The following BRDT variants were observed in gnomAD, a reference collection of about 807,000 sequenced individuals.
BRDT encodes the protein bromodomain testis-specific protein.
In BRDT, 77 loss-of-function variants were observed where a neutral mutation model predicts 113.9. The observed-to-expected ratio is 0.68, with a 90% CI of 0.56 to 0.82. The LOEUF is 0.82. Ranked by LOEUF, BRDT falls within the 40% of genes least tolerant of loss-of-function variation. BRDT has a pLI of 0.00. For synonymous variants in BRDT, 358 were observed against 366.5 expected (o/e 0.98, Z 0.26); for missense variants, 1,027 against 1,105.4 (o/e 0.93, Z 1.01).
intron 3 of BRDT, among the ~76,000 whole-genome samples, chr1:91,966,695 G>T (rs1417013161): frequency 6.6e-6 from 1 of 152,188 alleles, no homozygotes; most frequent in Non-Finnish European, 1.5e-5. Flanking sequence ...GAGAACTGTT[G>T]CTTTGTAAAT....
At chr1:91,975,799 T>C (rs1427304192) in intron 4 of BRDT, among the ~76,000 whole-genome samples, 1 of 152,226 alleles carries the variant, frequency 6.6e-6, no homozygotes, top group Non-Finnish European at 1.5e-5. Context: ...AATTGTTCCT[T>C]TGGCAGAATT....
chr1:92,005,198 C>T lies in BRDT; in HGVS notation c.2674C>T (p.His892Tyr), dbSNP rs776389123. Residue 892 changes from histidine (H) to tyrosine (Y), a missense_variant, in exon 18 of 19, where the codon CAT becomes TAT. His to Tyr is a moderately conservative substitution (Grantham distance 83). Transcript: ENST00000399546. Reference sequence around the variant, plus strand: ...GTGCTCTGGAGAAGAGCAGAAAGAACATCAGCAGTCATCAGAAGCTCAAGA... The same window carrying T: ...GTGCTCTGGAGAAGAGCAGAAAGAATATCAGCAGTCATCAGAAGCTCAAGA... ...NKCSGEEQKE[H>Y]QQSSEAQDKS... 4 of 1,584,818 alleles carry T rather than the reference C, an allele frequency of 2.5e-6. No homozygotes were observed. The African/African-American group carries it at 5.5e-5, about 22-fold the overall frequency.
chr1:91,978,162 AT>A lies in BRDT; in HGVS notation c.970-3del. The A allele has an allele frequency of 6.2e-7, 1 of 1,609,246 alleles. No individual in the cohort carries two copies. Among genetic ancestry groups the A allele is most frequent in the Non-Finnish European group, 8.5e-7 (1 of 1,176,968 alleles). ...TTGTGAATCCTGTAGTTTTTCTTTAATTTAGGAGAAAATGGATAACCAAGAA... is the reference window on the plus strand; with the variant it reads ...TTGTGAATCCTGTAGTTTTTCTTTAATTAGGAGAAAATGGATAACCAAGAA... On this transcript the variant is annotated splice_polypyrimidine_tract_variant and splice_region_variant and intron_variant, in intron 6 of 18. Coordinates refer to ENST00000399546, the MANE Select transcript of BRDT (RefSeq NM_207189.4).
intron 4 of BRDT, among the ~76,000 whole-genome samples, chr1:91,973,941 C>G (rs551887844): frequency 1.3e-5 from 2 of 152,050 alleles, no homozygotes; most frequent in African/African-American, 4.8e-5. Flanking sequence ...AACAGAGATA[C>G]AGACCAATGG....
Position 91,980,636 on chromosome 1 carries a change from T to A in BRDT, c.1288-7T>A, listed in dbSNP as rs753883551. The A allele has an allele frequency of 1.4e-6, 2 of 1,453,916 alleles. No individual in the cohort carries two copies. Among genetic ancestry groups the A allele is most frequent in the Non-Finnish European group, 1.8e-6 (2 of 1,104,654 alleles). The allele number at this position is 1,453,916 out of a possible 1,614,324, so 90.1% of individuals were successfully genotyped here. ...TGAATGTTTACAGATTTTTTTTCTT[T>A]TATCAGCTTAAAGCTGTACATCAAC... On this transcript the variant is annotated splice_polypyrimidine_tract_variant and splice_region_variant and intron_variant, in intron 8 of 18. Transcript: ENST00000399546.
chr1:91,999,372 T>C (rs1389499972), intron 15 of BRDT, among the ~76,000 whole-genome samples: 1 of 152,196 alleles, frequency 6.6e-6, no homozygotes, highest in African/African-American at 2.4e-5. Flanking sequence ...GGGTCATTCA[T>C]GTAAAAATAT....
Position 92,004,433 on chromosome 1 carries a change from C to A in BRDT, c.2408C>A (p.Ala803Glu). The change falls in exon 17 of 19, where the codon GCA (alanine) becomes GAA (glutamate). Residue 803 changes from alanine to glutamate, a missense_variant. Physicochemically the swap from Ala to Glu is moderately radical, Grantham distance 107. Coordinates refer to ENST00000399546, the MANE Select transcript of BRDT (RefSeq NM_207189.4). ...TTTTAGGATATAAAGATTAAGAATG[C>A]AGATTCATGGAAAAGTTTAGGCAAA... ...PVQKDIKIKN[A>E]DSWKSLGKPV... 6.2e-7 allele frequency: 1 copy of A among 1,606,780 alleles called. No individual in the cohort carries two copies. The highest frequency in any genetic ancestry group is 2.2e-5 in the East Asian group (1 of 44,742).
rs1427916958 is a variant in BRDT at position 91,980,656 on chromosome 1, A to C, written c.1301A>C (p.His434Pro). 1 of 1,578,258 alleles carries C rather than the reference A, an allele frequency of 6.3e-7. No individual in the cohort carries two copies. Among genetic ancestry groups the C allele is most frequent in the South Asian group, 1.2e-5 (1 of 82,714 alleles). Reference protein sequence around the residue: ...AKLQEQLKAVHQQLQVLSQVP... With the variant: ...AKLQEQLKAVPQQLQVLSQVP... ...TTCTTTTATCAGCTTAAAGCTGTAC[A>C]TCAACAGCTCCAGGTTTTGTCCCAA... is the stretch of plus-strand genomic sequence containing the variant. The change falls in exon 9 of 19, where the codon CAT (histidine) becomes CCT (proline). Residue 434 changes from histidine (H) to proline (P), a missense_variant. Transcript: ENST00000399546.
Position 92,004,496 on chromosome 1 carries a change from A to G in BRDT, c.2471A>G (p.Glu824Gly). Residue 824 changes from glutamate (E) to glycine (G), a missense_variant, in exon 17 of 19, where the codon GAG becomes GGG. Physicochemically the swap from Glu to Gly is moderately conservative, Grantham distance 98. Coordinates refer to ENST00000399546, the MANE Select transcript of BRDT (RefSeq NM_207189.4). ...KPSGVMKSSD[E>G]LFNQFRKAAI... ...TCAGGTGTAATGAAATCCTCAGATGAGCTCTTCAACCAATTTAGAAAAGCA... is the reference window on the plus strand; with the variant it reads ...TCAGGTGTAATGAAATCCTCAGATGGGCTCTTCAACCAATTTAGAAAAGCA... The G allele has an allele frequency of 6.2e-7, 1 of 1,613,380 alleles. No homozygotes were observed. The highest frequency in any genetic ancestry group is 8.5e-7 in the Non-Finnish European group (1 of 1,179,694).
At chr1:91,991,271 G>A (rs764041210) in intron 13 of BRDT, 26 bp downstream of exon 13, 56 of 1,395,872 alleles carry the variant, frequency 4.0e-5, no homozygotes, top group Non-Finnish European at 5.4e-5. Context: ...ATTTGTATCT[G>A]AATTTTAAAA....
rs370161455 is a variant in BRDT, at chr1:91,962,703, G to A, written c.-37-15G>A. ...TCCTAAAGTGCTTCTGAAGTACTCA[G>A]TTTTTGTTTTTCAGGACATGTACTT... is the stretch of plus-strand genomic sequence containing the variant. On this transcript the variant is annotated splice_polypyrimidine_tract_variant and intron_variant, in intron 1 of 18. Coordinates refer to ENST00000399546, the MANE Select transcript of BRDT (RefSeq NM_207189.4). 2 of 1,439,228 alleles carry A rather than the reference G, an allele frequency of 1.4e-6. No individual in the cohort carries two copies. Among genetic ancestry groups the A allele is most frequent in the African/African-American group, 2.9e-5 (2 of 68,984 alleles). 89.2% of individuals were successfully genotyped at this position (1,439,228 alleles called of 1,614,324 possible). A position where few individuals can be genotyped will look rare whatever the true frequency, so the allele number is the denominator to read the frequency against.
At chr1:92,000,300 C>A (rs1245075747) in intron 15 of BRDT, among the ~76,000 whole-genome samples, 1 of 152,224 alleles carries the variant, frequency 6.6e-6, no homozygotes, top group South Asian at 2.1e-4. Context: ...TACTTTTTCT[C>A]CTTCCTAAAT....
chr1:92,014,353 A>G lies in BRDT; in HGVS notation c.*79A>G. ...TGCATATGGTAAAATGATTGCTTTC[A>G]GATAACAAGATACCAATCTTATATT... On this transcript the variant is annotated 3_prime_UTR_variant, in exon 19 of 19. Coordinates refer to ENST00000399546, the MANE Select transcript of BRDT (RefSeq NM_207189.4). The G allele has an allele frequency of 6.5e-6, 6 of 925,516 alleles. No homozygotes were observed. The South Asian group carries it at 6.8e-5, about 10-fold the overall frequency. The allele number at this position is 925,516 out of a possible 1,614,324, so 57.3% of individuals were successfully genotyped here. A position where few individuals can be genotyped will look rare whatever the true frequency, so the allele number is the denominator to read the frequency against.
chr1:91,958,853 G>A (rs1234894114), intron 1 of BRDT, among the ~76,000 whole-genome samples: 11 of 152,054 alleles, frequency 7.2e-5, no homozygotes, highest in Admixed American at 1.3e-4. Flanking sequence ...TCAGTAGTTC[G>A]AGACCAGCCT....
intron 7 of BRDT, 37 bp downstream of exon 7, chr1:91,978,333 C>T (rs769237249): frequency 6.2e-7 from 1 of 1,608,320 alleles, no homozygotes; most frequent in Non-Finnish European, 8.5e-7. Context: ...TGTTTTTCCT[C>T]TGAACATAGT....
At chr1:92,012,764 G>A (rs1434113794) in intron 18 of BRDT, among the ~76,000 whole-genome samples, 3 of 151,928 alleles carry the variant, frequency 2.0e-5, no homozygotes, top group African/African-American at 4.8e-5. Flanking sequence ...TACAAGATTA[G>A]TTGGGCTTGG....
At chr1:91,990,546 G>A (rs569678684) in intron 12 of BRDT, among the ~76,000 whole-genome samples, 2 of 152,198 alleles carry the variant, frequency 1.3e-5, no homozygotes, top group South Asian at 4.1e-4. Context: ...TATCTCTGTT[G>A]CAACATATTC....
In BRDT at chr1:92,002,115, T is replaced by C. The variant is rs1686910875; in HGVS notation, c.2354T>C (p.Met785Thr). ...CCATCTGGTGATAGTGACACAACGA[T>C]GTTAGAATCTGAATGTCAAGCTCCT... The part of the protein sequence containing the change: ...MHPSGDSDTT[M>T]LESECQAPVQ... The change falls in exon 16 of 19, where the codon ATG becomes ACG. Residue 785 changes from methionine (M) to threonine (T), a missense_variant. By Grantham distance (81) the Met-to-Thr change is moderately conservative. Coordinates refer to ENST00000399546, the MANE Select transcript of BRDT (RefSeq NM_207189.4). The C allele has an allele frequency of 3.7e-6, 6 of 1,613,792 alleles. No homozygotes were observed. Among genetic ancestry groups the C allele is most frequent in the Non-Finnish European group, 4.2e-6 (5 of 1,179,834 alleles).
chr1:91,972,052 C>A lies in BRDT; in HGVS notation c.445+3792C>A, dbSNP rs1322377288. Among the ~76,000 whole-genome samples the A allele has an allele frequency of 2.0e-5, 3 of 148,096 alleles. No homozygotes were observed. The East Asian group carries it at 5.9e-4, about 29-fold the overall frequency. ...CTTTCTTCCTGTATACTCATGTAGT[C>A]TCCTTAGCACAAATTCTAGCTTTGA... On this transcript the variant is annotated intron_variant, in intron 4 of 18. Coordinates refer to ENST00000399546, the MANE Select transcript of BRDT (RefSeq NM_207189.4).
Sources: allele counts gnomAD v4.1 joint callset (sites outside exome capture counted in the v4.1 genomes callset), GRCh38; gene constraint gnomAD v4.1.1; transcripts MANE v1.5; gene names NCBI Gene and HGNC (gene_info 2026-07-23, HGNC 2026-07-21).